Variants in CRACD observed in about 807,000 individuals in gnomAD.
The protein encoded by CRACD is capping protein-inhibiting regulator of actin dynamics.
In CRACD, 56 loss-of-function variants were observed where a neutral mutation model predicts 106.8. That is an observed-to-expected ratio of 0.52 (90% CI 0.42 to 0.66). The LOEUF (loss-of-function observed/expected upper bound fraction) is 0.66, where lower values mean the gene tolerates loss of function less well. Ranked by LOEUF, CRACD falls within the 30% of genes least tolerant of loss-of-function variation. CRACD has a pLI of 0.00. For synonymous variants in CRACD, 754 were observed against 670.8 expected, an observed-to-expected ratio of 1.12 and a Z score of -1.92; for missense variants, 1,730 against 1,623.2, an observed-to-expected ratio of 1.07 and a Z score of -1.13.
chr4:56,164,284 G>A (rs547268205), intron 1 of CRACD, among the ~76,000 whole-genome samples: 10 of 151,880 alleles, frequency 6.6e-5, no homozygotes, highest in African/African-American at 1.9e-4. Flanking sequence ...ACAGGGGCCC[G>A]CCACCAAGCC....
At chr4:56,289,070 A>G (rs986178804) in intron 3 of CRACD, among the ~76,000 whole-genome samples, 4 of 152,188 alleles carry the variant, frequency 2.6e-5, no homozygotes, top group African/African-American at 9.7e-5. Context: ...TGAAATAGTA[A>G]AATTCAAAGA....
intron 1 of CRACD, among the ~76,000 whole-genome samples, chr4:56,063,728 T>TA (rs201576470): frequency 8.5e-4 from 129 of 151,622 alleles, no homozygotes; most frequent in African/African-American, 2.9e-3. Flanking sequence ...TATGACTTTT[T>TA]AAAAAAAAAT....
chr4:56,140,432 G>C (rs1735153322), intron 1 of CRACD, among the ~76,000 whole-genome samples: 1 of 152,240 alleles, frequency 6.6e-6, no homozygotes, highest in South Asian at 2.1e-4. Context: ...CATTTGTATT[G>C]CTATTTTAAT....
chr4:56,062,437 C>T (rs1319594362), intron 1 of CRACD, among the ~76,000 whole-genome samples: 1 of 152,180 alleles, frequency 6.6e-6, no homozygotes, highest in Non-Finnish European at 1.5e-5. Flanking sequence ...TGGCCCTAAA[C>T]CTTTTTCCCT....
At chr4:56,307,837 T>A in intron 5 of CRACD, 138 bp downstream of exon 5, 1 of 776,098 alleles carries the variant, frequency 1.3e-6, no homozygotes, top group Non-Finnish European at 2.1e-6. Flanking sequence ...TGAGGGCACT[T>A]CCTGGTAGGT....
chr4:56,155,360 G>A (rs1422003478), intron 1 of CRACD, among the ~76,000 whole-genome samples: 2 of 152,198 alleles, frequency 1.3e-5, no homozygotes, highest in Non-Finnish European at 2.9e-5. Context: ...TTGTCAATGG[G>A]TGGACGTAAA....
intron 1 of CRACD, chr4:56,050,050 A>C (rs566052447): frequency 1.3e-5 from 2 of 151,356 alleles, no homozygotes. Context: ...CATGATTATC[A>C]GTAAACAGAA....
chr4:56,186,996 A>T (rs184945628), intron 2 of CRACD, among the ~76,000 whole-genome samples: 1 of 150,918 alleles, frequency 6.6e-6, no homozygotes, highest in East Asian at 2.0e-4. Flanking sequence ...TTGAGCTTAG[A>T]GGGTTGAGCC....
At chr4:56,255,447 G>T (rs1364683171) in intron 2 of CRACD, among the ~76,000 whole-genome samples, 1 of 150,778 alleles carries the variant, frequency 6.6e-6, no homozygotes, top group Non-Finnish European at 1.5e-5. Flanking sequence ...ACAGTTCATG[G>T]TTCAAAGAGT....
chr4:56,173,201 A>G (rs1332416437), intron 1 of CRACD, among the ~76,000 whole-genome samples: 1 of 152,246 alleles, frequency 6.6e-6, no homozygotes, highest in Admixed American at 6.5e-5. Flanking sequence ...AAGTCAAAGA[A>G]GTTTACCTTT....
chr4:56,190,816 T>TG (rs975841633), intron 2 of CRACD, among the ~76,000 whole-genome samples: 7 of 152,070 alleles, frequency 4.6e-5, no homozygotes, highest in African/African-American at 1.4e-4. Flanking sequence ...GGATTCTGTG[T>TG]GGGGGGAATC....
At position 56,330,422 on chromosome 4, in the gene CRACD, C is replaced by T. The variant is rs1746738376; in HGVS notation, c.*2618C>T. 6.6e-6 allele frequency among the ~76,000 whole-genome samples: 1 copy of T among 151,926 alleles called. No individual in the cohort carries two copies. The highest frequency in any genetic ancestry group is 6.6e-5 in the Admixed American group (1 of 15,248). On this transcript the variant is annotated 3_prime_UTR_variant, in exon 11 of 11. Coordinates refer to ENST00000682029, the MANE Select transcript of CRACD (RefSeq NM_001393381.1). ...CTTCTTGTGACGTTTAGTTTAATTG[C>T]TTATTTTAAAGCAGAAACATTAGTT...
At chr4:56,219,382 C>G (rs1738910575) in intron 2 of CRACD, among the ~76,000 whole-genome samples, 1 of 152,194 alleles carries the variant, frequency 6.6e-6, no homozygotes, top group Admixed American at 6.5e-5. Context: ...GAGTCTTGCT[C>G]TTTCGCCCAG....
At chr4:56,243,624 C>A (rs1443582533) in intron 2 of CRACD, among the ~76,000 whole-genome samples, 1 of 151,848 alleles carries the variant, frequency 6.6e-6, no homozygotes, top group Admixed American at 6.6e-5. Context: ...AAATGGCTTT[C>A]TTTTTTTATT....
At chr4:56,320,170 T>C (rs953335171) in intron 8 of CRACD, among the ~76,000 whole-genome samples, 30 of 151,882 alleles carry the variant, frequency 2.0e-4, no homozygotes, top group Non-Finnish European at 4.0e-4. Flanking sequence ...AACCTTTCAT[T>C]ACACCTAGCA....
At chr4:56,145,802 G>A (rs1735359009) in intron 1 of CRACD, among the ~76,000 whole-genome samples, 1 of 151,672 alleles carries the variant, frequency 6.6e-6, no homozygotes, top group Middle Eastern at 3.2e-3. Flanking sequence ...TGTATTTTTT[G>A]TATTTGAGAT....
At chr4:56,202,470 C>T (rs2109476149) in intron 2 of CRACD, among the ~76,000 whole-genome samples, 1 of 152,284 alleles carries the variant, frequency 6.6e-6, no homozygotes, top group South Asian at 2.1e-4. Context: ...TGGTCTCGAA[C>T]ACCTCACCTC....
chr4:56,301,894 T>C (rs1744394541), intron 4 of CRACD, among the ~76,000 whole-genome samples: 1 of 152,084 alleles, frequency 6.6e-6, no homozygotes, highest in Non-Finnish European at 1.5e-5. Context: ...ATAGTGCACG[T>C]GCAGAGTGAA....
intron 1 of CRACD, among the ~76,000 whole-genome samples, chr4:56,176,419 T>A (rs997113224): frequency 6.8e-6 from 1 of 146,208 alleles, no homozygotes; most frequent in Non-Finnish European, 1.5e-5. Context: ...GCATGGAATA[T>A]CCTTCCAATT....
Sources: allele counts gnomAD v4.1 joint callset (sites outside exome capture counted in the v4.1 genomes callset), GRCh38; gene constraint gnomAD v4.1.1; transcripts MANE v1.5; gene names NCBI Gene and HGNC (gene_info 2026-07-23, HGNC 2026-07-21).